DMTN: variants seen among roughly 807,000 people sequenced by gnomAD.
DMTN encodes the protein dematin actin binding protein.
In DMTN, 27 loss-of-function variants were observed where a neutral mutation model predicts 59.4. The ratio of observed to expected loss-of-function variants is 0.45; its 90% CI spans 0.33 to 0.63. The LOEUF (loss-of-function observed/expected upper bound fraction) is 0.63. DMTN is among the 20% of genes least tolerant of loss of function. The pLI is 0.02. For synonymous variants in DMTN, 221 were observed against 203.7 expected (o/e 1.08, Z -0.72); for missense variants, 451 against 528.9 (o/e 0.85, Z 1.45).
upstream of DMTN, among the ~76,000 whole-genome samples, chr8:22,050,135 C>A (rs2129752289): frequency 6.6e-6 from 1 of 152,274 alleles, no homozygotes; most frequent in South Asian, 2.1e-4. Flanking sequence ...CAGTGAAGAC[C>A]GCGCCGTGTT....
At position 22,058,943 on chromosome 8, in the gene DMTN, G is replaced by C. The variant is rs1001785651; in HGVS notation, c.-172+1807G>C. On this transcript the variant is annotated intron_variant, in intron 1 of 15. Coordinates refer to ENST00000358242, the MANE Select transcript of DMTN (RefSeq NM_001387751.1). This position sits in a 1 kb window ranked among gnomAD's most constrained non-coding sequence, Gnocchi z 4.3. ...GGCGGGGGGGTGCGGGGAGCAAGGT[G>C]CCCTACCCCACCCACATCACACGCA... is the stretch of plus-strand genomic sequence containing the variant. Among the ~76,000 whole-genome samples the C allele has an allele frequency of 2.0e-5, 3 of 152,142 alleles. No individual in the cohort carries two copies. Among genetic ancestry groups the C allele is most frequent in the African/African-American group, 7.2e-5 (3 of 41,430 alleles).
Position 22,080,002 on chromosome 8 carries a change from T to C in DMTN, c.836-178T>C, listed in dbSNP as rs113167270. ...AGAGACAGCTGAGAACCACCAGCAC[T>C]GTATTGCTTGCTGAAGGTGACCAGT... On this transcript the variant is annotated intron_variant, in intron 10 of 15. Transcript: ENST00000358242. Among the ~76,000 whole-genome samples, 263 of 152,216 alleles carry C rather than the reference T, an allele frequency of 1.7e-3. 3 individuals carry two copies. Among genetic ancestry groups the C allele is most frequent in the African/African-American group, 5.0e-3 (208 of 41,514 alleles).
At chr8:22,067,028 C>T (rs1811242803) in intron 2 of DMTN, 57 bp from the exon 3 acceptor site, 2 of 1,499,766 alleles carry the variant, frequency 1.3e-6, no homozygotes, top group Non-Finnish European at 1.8e-6. Context: ...GGGCCGCCCC[C>T]GCCCCGCTCC....
At chr8:22,063,905 C>T (rs1808411957) in intron 1 of DMTN, among the ~76,000 whole-genome samples, 1 of 152,238 alleles carries the variant, frequency 6.6e-6, no homozygotes, top group South Asian at 2.1e-4. Flanking sequence ...CTTAGCTCCT[C>T]TGACTCATCT....
At chr8:22,067,415 C>T (rs1229717027) in intron 3 of DMTN, 112 bp from the exon 4 acceptor site, 2 of 1,440,874 alleles carry the variant, frequency 1.4e-6, no homozygotes, top group Non-Finnish European at 1.9e-6. Flanking sequence ...GAATTGTTAA[C>T]GTCTGCAATG....
At chr8:22,055,148 C>G (rs573732197), upstream of DMTN, 1 of 152,742 alleles carries the variant, frequency 6.5e-6, no homozygotes, top group Non-Finnish European at 1.5e-5. Flanking sequence ...CATCACCCAC[C>G]TCGTTCCAGG....
chr8:22,077,285 A>T (rs557925561), intron 10 of DMTN, among the ~76,000 whole-genome samples: 1 of 152,284 alleles, frequency 6.6e-6, no homozygotes, highest in African/African-American at 2.4e-5. Context: ...GATGGAGCTG[A>T]GCCAAAGCCA....
intron 8 of DMTN, among the ~76,000 whole-genome samples, chr8:22,070,751 A>G (rs1326702641): frequency 3.3e-5 from 5 of 152,158 alleles, no homozygotes; most frequent in Non-Finnish European, 5.9e-5. Flanking sequence ...ACAGTGGTGA[A>G]GTCAGGGTTT....
At chr8:22,068,815 G>A (rs372048001) in intron 4 of DMTN, among the ~76,000 whole-genome samples, 1 of 152,126 alleles carries the variant, frequency 6.6e-6, no homozygotes, top group African/African-American at 2.4e-5. Context: ...CAAGGCTCGC[G>A]TGCTTCTCTG....
At position 22,069,564 on chromosome 8, in the gene DMTN, A is replaced by G. The variant is rs376609490; in HGVS notation, c.394+46A>G. 154 of 1,485,602 alleles carry G rather than the reference A, an allele frequency of 1.0e-4. 2 individuals are homozygous for G. In the South Asian group the frequency reaches 1.6e-3, roughly 15 times the overall value. 92.0% of individuals were successfully genotyped at this position (1,485,602 alleles called of 1,614,324 possible). On this transcript the variant is annotated intron_variant, in intron 6 of 15. Coordinates refer to ENST00000358242, the MANE Select transcript of DMTN (RefSeq NM_001387751.1). ...CTCATTGTTTCCTAAGACTTTCTCC[A>G]TCAGGAACCCCAATCCCCTTACGCT... is the stretch of plus-strand genomic sequence containing the variant.
At chr8:22,079,299 TATTA>T (rs1159568594) in intron 10 of DMTN, among the ~76,000 whole-genome samples, 10 of 95,424 alleles carry the variant, frequency 1.0e-4, no homozygotes, top group South Asian at 3.9e-4. Flanking sequence ...TATATATATA[TATTA>T]GCTGGGTTTG....
At position 22,081,201 on chromosome 8, in the gene DMTN, A is replaced by G. The variant is rs777534831; in HGVS notation, c.1104+8A>G. 5.0e-6 allele frequency: 8 copies of G among 1,613,052 alleles called. No individual in the cohort carries two copies. The highest frequency in any genetic ancestry group is 6.8e-6 in the Non-Finnish European group (8 of 1,179,704). Reference sequence around the variant, plus strand: ...GATCGGATGCGGCTTGAGGTAGGCAAGGAAGATGCCCTGGATGGGTGCGGG... The same window carrying G: ...GATCGGATGCGGCTTGAGGTAGGCAGGGAAGATGCCCTGGATGGGTGCGGG... On this transcript the variant is annotated splice_region_variant and intron_variant, in intron 15 of 15. Transcript: ENST00000358242.
chr8:22,071,375 C>T (rs1201414784), intron 8 of DMTN, among the ~76,000 whole-genome samples: 3 of 151,906 alleles, frequency 2.0e-5, no homozygotes, highest in South Asian at 2.1e-4. Context: ...GGATTACAGG[C>T]GTGAGCCACC....
Position 22,069,015 on chromosome 8 carries a change from G to T in DMTN, c.250-1G>T. 6.2e-7 allele frequency: 1 copy of T among 1,612,914 alleles called. No homozygotes were observed. Among genetic ancestry groups the T allele is most frequent in the Non-Finnish European group, 8.5e-7 (1 of 1,179,404 alleles). ...CTGACCAGCCCCCTCTCCATTCACA[G>T]CGCTCGCTGTCACCCAAATCCACAT... On this transcript the variant is annotated splice_acceptor_variant, in intron 4 of 15. Coordinates refer to ENST00000358242, the MANE Select transcript of DMTN (RefSeq NM_001387751.1). LOFTEE classifies it high-confidence loss of function.
At chr8:22,076,710 T>C (rs1820117264) in intron 10 of DMTN, among the ~76,000 whole-genome samples, 1 of 152,042 alleles carries the variant, frequency 6.6e-6, no homozygotes, top group Non-Finnish European at 1.5e-5. Context: ...CACACTATTT[T>C]GGGTGACACC....
intron 10 of DMTN, 141 bp downstream of exon 10, chr8:22,073,976 A>T (rs4427168): frequency 0.8 from 508,554 of 636,522 alleles, 207,545 homozygotes; most frequent in East Asian, 0.98. Flanking sequence ...AATCCCAGTC[A>T]TGGAACAATG....
chr8:22,081,098 T>TC lies in DMTN; in HGVS notation c.1024-9dup, dbSNP rs748495729. 40 of 636,762 alleles carry TC rather than the reference T, an allele frequency of 6.3e-5. No individual in the cohort carries two copies. The African/African-American group carries it at 7.8e-4, about 12-fold the overall frequency. 39.4% of individuals were successfully genotyped at this position (636,762 alleles called of 1,614,324 possible). ...TATTCTGTGAGCCTAAGATTGCCCC[T>TC]CCCCCCACCCCCAGATCTATCCCTA... On this transcript the variant is annotated splice_polypyrimidine_tract_variant and intron_variant, in intron 14 of 15. Transcript: ENST00000358242.
At position 22,081,672 on chromosome 8, in the gene DMTN, G is replaced by A; in HGVS notation, c.*209G>A. 1 of 601,468 alleles carries A rather than the reference G, an allele frequency of 1.7e-6. No homozygotes were observed. The highest frequency in any genetic ancestry group is 3.0e-6 in the Non-Finnish European group (1 of 335,812). 37.3% of individuals were successfully genotyped at this position (601,468 alleles called of 1,614,324 possible). ...CTGGGGGCCTCCTGCTCTCGTCCCT[G>A]GCCCTCCCTGCACAGGGCAAAGCCA... is the stretch of plus-strand genomic sequence containing the variant. On this transcript the variant is annotated 3_prime_UTR_variant, in exon 16 of 16. Coordinates refer to ENST00000358242, the MANE Select transcript of DMTN (RefSeq NM_001387751.1).
chr8:22,050,411 G>A (rs182850872), upstream of DMTN, among the ~76,000 whole-genome samples: 612 of 152,244 alleles, frequency 4.0e-3, 4 homozygotes, highest in African/African-American at 0.014. Context: ...CTGCCTCCCC[G>A]CTAGCCCGGC....
Sources: gnomAD v4.1 joint callset for allele counts (sites outside exome capture counted in the v4.1 genomes callset) on GRCh38, gnomAD v4.1.1 for gene constraint, Gnocchi (gnomAD v3.1) non-coding constraint, MANE v1.5 for transcripts, NCBI Gene and HGNC (gene_info 2026-07-23, HGNC 2026-07-21) for gene names.